TFAP2A: variants seen among roughly 807,000 people sequenced by gnomAD.
The protein encoded by TFAP2A is transcription factor AP-2 alpha, also known as transcription factor AP-2-alpha.
In TFAP2A, 7 loss-of-function variants were observed where a neutral mutation model predicts 41.5. The ratio of observed to expected loss-of-function variants is 0.17; its 90% CI spans 0.10 to 0.32. The LOEUF (loss-of-function observed/expected upper bound fraction) is 0.32. Among genes scored for constraint, TFAP2A ranks in the 10% least tolerant of loss-of-function variants. TFAP2A has a pLI of 1.00. For synonymous variants in TFAP2A, 247 were observed against 242.8 expected, an observed-to-expected ratio of 1.02 and a Z score of -0.16; for missense variants, 416 against 563.3, an observed-to-expected ratio of 0.74 and a Z score of 2.65.
intron 4 of TFAP2A, among the ~76,000 whole-genome samples, chr6:10,404,219 G>T (rs983531735): frequency 6.6e-6 from 1 of 152,238 alleles, no homozygotes; most frequent in African/African-American, 2.4e-5. Context: ...CTTGCGCGAG[G>T]AGGAGGGCGG....
chr6:10,406,664 C>G, intron 3 of TFAP2A, 129 bp downstream of exon 3: 1 of 798,856 alleles, frequency 1.3e-6, no homozygotes, highest in Non-Finnish European at 2.2e-6. Flanking sequence ...CTGTTCTGTG[C>G]CTATCTATTT....
upstream of TFAP2A, chr6:10,415,951 G>T (rs1192813793): frequency 6.6e-6 from 1 of 152,202 alleles, no homozygotes; most frequent in Non-Finnish European, 1.5e-5. Flanking sequence ...AGCTCCAGGG[G>T]TTAAACAATT....
At chr6:10,401,204 G>A (rs1012163265) in intron 5 of TFAP2A, among the ~76,000 whole-genome samples, 2 of 152,224 alleles carry the variant, frequency 1.3e-5, no homozygotes. Context: ...TCTCCGCAGA[G>A]CTTGTTTCCA....
At chr6:10,412,470 AGAGGGAGG>A (rs1268920508) in intron 1 of TFAP2A, 8 of 118,510 alleles carry the variant, frequency 6.8e-5, no homozygotes, top group African/African-American at 2.8e-4. Flanking sequence ...AGGGAGGGAA[AGAGGGAGG>A]GAGGAAGGGA....
intron 1 of TFAP2A, chr6:10,414,657 GTTC>G (rs1374599316): frequency 1.0e-5 from 6 of 576,870 alleles, no homozygotes; most frequent in African/African-American, 7.5e-5. Flanking sequence ...AAAAGCCCAT[GTTC>G]TTCTTTTCCC....
In TFAP2A at chr6:10,396,677, T is replaced by G. The variant is rs1234343067; in HGVS notation, c.*1740A>C. On this transcript the variant is annotated 3_prime_UTR_variant, in exon 7 of 7. Coordinates refer to ENST00000379613, the MANE Select transcript of TFAP2A (RefSeq NM_001372066.1). ...AAAACACAAATGAAAACCTAAAGGA[T>G]CAACATAAATAAAATAAAACTTTAT... The G allele has an allele frequency of 1.3e-5, 2 of 152,120 alleles. No individual in the cohort carries two copies. The highest frequency in any genetic ancestry group is 4.8e-5 in the African/African-American group (2 of 41,382). The allele number at this position is 152,120 out of a possible 1,614,324, so 9.4% of individuals were successfully genotyped here. A position where few individuals can be genotyped will look rare whatever the true frequency, so the allele number is the denominator to read the frequency against.
upstream of TFAP2A, chr6:10,416,296 C>G (rs959131174): frequency 3.3e-5 from 5 of 152,190 alleles, no homozygotes; most frequent in African/African-American, 1.2e-4. Flanking sequence ...GCCCGGCTGC[C>G]GCGGAACCTG....
chr6:10,399,990 A>G (rs1328030218), intron 6 of TFAP2A, among the ~76,000 whole-genome samples: 5 of 152,030 alleles, frequency 3.3e-5, no homozygotes, highest in Non-Finnish European at 7.4e-5. Context: ...AAATGGAATA[A>G]CAGATTAGGG....
At chr6:10,413,683 C>T (rs758415399) in intron 1 of TFAP2A, among the ~76,000 whole-genome samples, 13 of 152,180 alleles carry the variant, frequency 8.5e-5, no homozygotes, top group Non-Finnish European at 1.8e-4. Context: ...CCCCATCTAC[C>T]GGGGTGGGGG....
intron 1 of TFAP2A, chr6:10,411,700 G>A: frequency 5.7e-6 from 9 of 1,585,566 alleles, no homozygotes; most frequent in Non-Finnish European, 7.7e-6. Context: ...AAGGCGCCGA[G>A]AGCCCCGCGC....
chr6:10,418,278 C>G (rs1476261534), upstream of TFAP2A: 1 of 152,254 alleles, frequency 6.6e-6, no homozygotes, highest in Non-Finnish European at 1.5e-5. Context: ...TTCTCCAACT[C>G]CAGGTAGCTT....
chr6:10,398,478 G>C lies in TFAP2A; in HGVS notation c.1259C>G (p.Pro420Arg), dbSNP rs867726953. The change falls in exon 7 of 7, where the codon CCC becomes CGC. Residue 420 changes from proline (P) to arginine (R), a missense_variant. Physicochemically the swap from Pro to Arg is moderately radical, Grantham distance 103. This residue lies in a region of TFAP2A where 116 missense variants were observed against 153.8 expected (regional missense o/e 0.75). Transcript: ENST00000379613. The surrounding 1 kb of genome is among the most constrained non-coding windows in gnomAD (Gnocchi z 5.3). ...GGCGTTGTTGTCCGTGTGGCTGTTG[G>C]GGTTGTTGCTGAGGTACATTTTGTC... The part of the protein sequence containing the change: ...AMDKMYLSNN[P>R]NSHTDNNAKS... The C allele has an allele frequency of 1.9e-6, 3 of 1,614,224 alleles. No individual in the cohort carries two copies. In the East Asian group the frequency reaches 6.7e-5, roughly 36 times the overall value.
rs1345875062 is a variant in TFAP2A, at chr6:10,400,837, C to A, written c.890-248G>T. On this transcript the variant is annotated intron_variant, in intron 5 of 6. Transcript: ENST00000379613. ...GAAAATGAAAATCTCATCCACCAAC[C>A]TCCAGTCCCATCCCCCACCCTAAAT... is the stretch of plus-strand genomic sequence containing the variant. The A allele has an allele frequency of 6.0e-6, 4 of 665,436 alleles. No individual in the cohort carries two copies. The East Asian group carries it at 1.2e-4, about 20-fold the overall frequency. The allele number at this position is 665,436 out of a possible 1,614,324, so 41.2% of individuals were successfully genotyped here.
chr6:10,417,607 G>A (rs571175040), upstream of TFAP2A, among the ~76,000 whole-genome samples: 1 of 152,360 alleles, frequency 6.6e-6, no homozygotes, highest in African/African-American at 2.4e-5. Context: ...AAAGGGCGTC[G>A]CGGGGAAGAG....
At chr6:10,415,181 GGAGGAGGAGGGCGAGGAGAAGGGC>G (rs1658007475), upstream of TFAP2A, 1 of 1,497,744 alleles carries the variant, frequency 6.7e-7, no homozygotes, top group African/African-American at 1.4e-5. Flanking sequence ...AGGGCGAGGA[GGAGGAGGAGGGCGAGGAGAAGGGC>G]GAGGAGGAGG....
At chr6:10,404,103 G>A (rs1008699838) in intron 4 of TFAP2A, among the ~76,000 whole-genome samples, 2 of 152,238 alleles carry the variant, frequency 1.3e-5, no homozygotes, top group African/African-American at 4.8e-5. Context: ...AGCCTGAGAG[G>A]AACTTTTCCT....
In TFAP2A at chr6:10,402,473, A is replaced by G; in HGVS notation, c.889+19T>C. 6.4e-7 allele frequency: 1 copy of G among 1,557,502 alleles called. No individual in the cohort carries two copies. Among genetic ancestry groups the G allele is most frequent in the Non-Finnish European group, 8.9e-7 (1 of 1,128,410 alleles). ...TCCAAGAAGGAAGTTCCTTCTAGTT[A>G]GCAAGTGGATTCGCTTACCCTCTAC... On this transcript the variant is annotated intron_variant, in intron 5 of 6. Coordinates refer to ENST00000379613, the MANE Select transcript of TFAP2A (RefSeq NM_001372066.1).
chr6:10,406,229 C>T (rs1408472211), intron 3 of TFAP2A: 1 of 154,062 alleles, frequency 6.5e-6, no homozygotes, highest in African/African-American at 2.4e-5. Flanking sequence ...ACAATTTCTC[C>T]TCTGAACAAG....
At position 10,414,994 on chromosome 6, in the gene TFAP2A, A is replaced by G. The variant is rs1561718109; in HGVS notation, c.-3T>C. 2 of 1,614,028 alleles carry G rather than the reference A, an allele frequency of 1.2e-6. No individual in the cohort carries two copies. Among genetic ancestry groups the G allele is most frequent in the East Asian group, 4.5e-5 (2 of 44,866 alleles). Reference sequence around the variant, plus strand: ...GTCAATTTCCAAAGCATTTTCATGGATCGGCGTGAACGGATATGCCCCTCT... The same window carrying G: ...GTCAATTTCCAAAGCATTTTCATGGGTCGGCGTGAACGGATATGCCCCTCT... On this transcript the variant is annotated 5_prime_UTR_variant, in exon 1 of 7. Coordinates refer to ENST00000379613, the MANE Select transcript of TFAP2A (RefSeq NM_001372066.1).
Sources: allele counts gnomAD v4.1 joint callset (sites outside exome capture counted in the v4.1 genomes callset), GRCh38; gene constraint gnomAD v4.1.1; regional missense constraint gnomAD v4.1.1; non-coding constraint Gnocchi (gnomAD v3.1); transcripts MANE v1.5; gene names NCBI Gene and HGNC (gene_info 2026-07-23, HGNC 2026-07-21).